GRIK2: variants seen among roughly 807,000 people sequenced by gnomAD.
The protein encoded by GRIK2 is glutamate receptor ionotropic, kainate 2.
GRIK2 carries 32 observed loss-of-function variants against 100.3 expected under a neutral mutation model. The observed-to-expected ratio is 0.32, with a 90% CI of 0.24 to 0.43. The LOEUF (loss-of-function observed/expected upper bound fraction) is 0.43. Among genes scored for constraint, GRIK2 ranks in the 20% least tolerant of loss-of-function variants. The pLI is 1.00. For synonymous variants in GRIK2, 417 were observed against 389.4 expected, an observed-to-expected ratio of 1.07 and a Z score of -0.83; for missense variants, 843 against 1,114.9, an observed-to-expected ratio of 0.76 and a Z score of 3.47.
intron 2 of GRIK2, among the ~76,000 whole-genome samples, chr6:101,425,787 A>G (rs1000107340): frequency 6.6e-6 from 1 of 152,154 alleles, no homozygotes; most frequent in African/African-American, 2.4e-5. Flanking sequence ...CTGCATGCCC[A>G]GCATTCCCCT....
At chr6:101,394,989 T>G (rs967197265) in intron 1 of GRIK2, among the ~76,000 whole-genome samples, 1 of 152,252 alleles carries the variant, frequency 6.6e-6, no homozygotes, top group Non-Finnish European at 1.5e-5. Context: ...CCACTTCAAT[T>G]TGTTAATTAA....
Position 101,822,207 on chromosome 6 carries a change from T to TACACACACAC in GRIK2, c.1317+3752_1317+3761dup, listed in dbSNP as rs58680927. Among the ~76,000 whole-genome samples, 26 of 143,256 alleles carry TACACACACAC rather than the reference T, an allele frequency of 1.8e-4. No individual in the cohort carries two copies. The South Asian group carries it at 2.3e-3, about 13-fold the overall frequency. The allele number at this position is 143,256 out of a possible 152,430, so 94.0% of individuals were successfully genotyped here. On this transcript the variant is annotated intron_variant, in intron 10 of 16. Coordinates refer to ENST00000369134, the MANE Select transcript of GRIK2 (RefSeq NM_021956.5). The stretch of plus-strand genomic sequence containing the variant: ...TGGCAGGAATTCATATGGAGAGTTT[T>TACACACACAC]ACACACACACACACACACACACACA...
intron 7 of GRIK2, among the ~76,000 whole-genome samples, chr6:101,752,138 T>A (rs9377295): frequency 6.6e-6 from 1 of 152,042 alleles, no homozygotes; most frequent in South Asian, 2.1e-4. Flanking sequence ...ACACCTTATA[T>A]GTTAATTTTT....
chr6:101,672,392 G>T (rs1453465867), intron 4 of GRIK2, among the ~76,000 whole-genome samples: 1 of 152,084 alleles, frequency 6.6e-6, no homozygotes, highest in Non-Finnish European at 1.5e-5. Flanking sequence ...CCAGAAGTCA[G>T]AAACTTCCCA....
chr6:101,890,577 AAATT>A (rs1240222454), intron 12 of GRIK2, among the ~76,000 whole-genome samples: 1 of 152,100 alleles, frequency 6.6e-6, no homozygotes. Context: ...TAAATAATAA[AAATT>A]AAGAAAAAAT....
At chr6:101,823,221 T>C (rs1477663147) in intron 10 of GRIK2, among the ~76,000 whole-genome samples, 1 of 152,164 alleles carries the variant, frequency 6.6e-6, no homozygotes, top group Non-Finnish European at 1.5e-5. Context: ...TTTTTTCTCT[T>C]AAGAATTGCA....
intron 15 of GRIK2, among the ~76,000 whole-genome samples, chr6:102,055,102 C>G (rs1267922567): frequency 1.3e-5 from 2 of 152,078 alleles, no homozygotes; most frequent in Non-Finnish European, 2.9e-5. Flanking sequence ...GAGACATATT[C>G]TTTCTTAAAA....
At chr6:101,822,693 G>A (rs1165401297) in intron 10 of GRIK2, among the ~76,000 whole-genome samples, 3 of 151,992 alleles carry the variant, frequency 2.0e-5, no homozygotes, top group African/African-American at 7.2e-5. Flanking sequence ...ATAAACTTTT[G>A]AAGTAGACAC....
intron 2 of GRIK2, among the ~76,000 whole-genome samples, chr6:101,572,998 C>T (rs553864838): frequency 4.3e-4 from 65 of 151,900 alleles, no homozygotes; most frequent in African/African-American, 1.5e-3. Context: ...AGGTGCCTGC[C>T]ACCATTCCCG....
chr6:101,746,186 G>T (rs1776409222), intron 7 of GRIK2, among the ~76,000 whole-genome samples: 1 of 152,106 alleles, frequency 6.6e-6, no homozygotes. Context: ...TCTATCATTT[G>T]TCTAACTAAT....
intron 2 of GRIK2, among the ~76,000 whole-genome samples, chr6:101,560,475 T>C (rs1026017530): frequency 1.3e-5 from 2 of 152,088 alleles, no homozygotes; most frequent in African/African-American, 4.8e-5. Flanking sequence ...CAGTATAGCA[T>C]TTTCACCATC....
At chr6:101,811,671 G>T (rs898094204) in intron 9 of GRIK2, among the ~76,000 whole-genome samples, 1 of 151,680 alleles carries the variant, frequency 6.6e-6, no homozygotes, top group African/African-American at 2.4e-5. Context: ...ACATTGATCC[G>T]GTGTACACAA....
chr6:101,554,879 A>G (rs1358883068), intron 2 of GRIK2, among the ~76,000 whole-genome samples: 3 of 152,056 alleles, frequency 2.0e-5, no homozygotes, highest in East Asian at 1.9e-4. Flanking sequence ...AAAATCAACC[A>G]TAGGTATATG....
At chr6:102,000,585 C>T (rs1180688826) in intron 14 of GRIK2, among the ~76,000 whole-genome samples, 1 of 151,980 alleles carries the variant, frequency 6.6e-6, no homozygotes, top group East Asian at 1.9e-4. Context: ...CTTAGGTTAT[C>T]CATATTATTT....
At chr6:101,794,326 G>A (rs148153953) in intron 7 of GRIK2, among the ~76,000 whole-genome samples, 4,887 of 152,042 alleles carry the variant, frequency 0.032, 138 homozygotes, top group Non-Finnish European at 0.047. Flanking sequence ...GCTGTAGACC[G>A]GAGCTGTTCC....
At chr6:101,799,305 GTA>G (rs1491533468) in intron 7 of GRIK2, among the ~76,000 whole-genome samples, 1 of 149,648 alleles carries the variant, frequency 6.7e-6, no homozygotes, top group Admixed American at 6.8e-5. Flanking sequence ...GTGTGTGTGT[GTA>G]TAAGTGAGAC....
intron 14 of GRIK2, among the ~76,000 whole-genome samples, chr6:101,995,713 T>A (rs1794616682): frequency 6.6e-6 from 1 of 151,950 alleles, no homozygotes; most frequent in Non-Finnish European, 1.5e-5. Context: ...TGTGTATGTG[T>A]GTGTGCATTT....
intron 7 of GRIK2, among the ~76,000 whole-genome samples, chr6:101,753,372 G>T (rs1776924053): frequency 6.6e-6 from 1 of 150,574 alleles, no homozygotes; most frequent in South Asian, 2.1e-4. Context: ...AATATAATAA[G>T]ATTTCCTAAG....
chr6:101,622,703 T>C (rs1489239122), intron 3 of GRIK2, among the ~76,000 whole-genome samples: 2 of 151,950 alleles, frequency 1.3e-5, no homozygotes, highest in Non-Finnish European at 2.9e-5. Context: ...AAGGACATAA[T>C]TAGAATACTT....
Sources: gnomAD v4.1 joint callset for allele counts (sites outside exome capture counted in the v4.1 genomes callset) on GRCh38, gnomAD v4.1.1 for gene constraint, MANE v1.5 for transcripts, NCBI Gene and HGNC (gene_info 2026-07-23, HGNC 2026-07-21) for gene names.